BTD: variants seen among roughly 807,000 people sequenced by gnomAD.
BTD encodes the protein biotinidase, also known as biocytinase.
Under a neutral mutation model 17.7 loss-of-function variants are expected in BTD, and 13 were observed. The ratio of observed to expected loss-of-function variants is 0.74; its 90% CI spans 0.48 to 1.17. BTD has a LOEUF of 1.17. Ranked by LOEUF, BTD falls within the 50% of genes most tolerant of loss-of-function variation. The probability of loss-of-function intolerance (pLI) is 0.00; values close to 1 mark genes in which losing one functional copy is unlikely to be tolerated. For missense variants in BTD, 674 were observed against 650.4 expected (o/e 1.04, Z -0.39); for synonymous variants, 240 against 245.2 (o/e 0.98, Z 0.20).
intron 3 of BTD, chr3:15,685,347 A>C: frequency 1.2e-6 from 2 of 1,614,038 alleles, no homozygotes; most frequent in Non-Finnish European, 1.7e-6. Flanking sequence ...CACAGGCAGC[A>C]GACAGGTGTA....
At chr3:15,615,769 A>G (rs1163828435) in intron 1 of BTD, among the ~76,000 whole-genome samples, 5 of 152,194 alleles carry the variant, frequency 3.3e-5, no homozygotes, top group African/African-American at 1.2e-4. Flanking sequence ...CATTATTATA[A>G]CATGAAGTCC....
chr3:15,611,852 A>G (rs1359617487), intron 1 of BTD, among the ~76,000 whole-genome samples: 1 of 151,466 alleles, frequency 6.6e-6, no homozygotes, highest in East Asian at 1.9e-4. Flanking sequence ...GCTTATCAAT[A>G]TAGGATTGAA....
chr3:15,612,972 T>G lies in BTD; in HGVS notation c.-17+11078T>G, dbSNP rs547574245. Among the ~76,000 whole-genome samples, 9 of 152,330 alleles carry G rather than the reference T, an allele frequency of 5.9e-5. No individual in the cohort carries two copies. In the South Asian group the frequency reaches 1.9e-3, roughly 32 times the overall value. On this transcript the variant is annotated intron_variant, in intron 1 of 3. Transcript: ENST00000643237. ...GTTGTAGTATTCATGGTGGCTTGCT[T>G]CTTCAAGGTCAGCCGGGGAGAGAGT...
chr3:15,605,194 T>C (rs1405110716), intron 1 of BTD, among the ~76,000 whole-genome samples: 6 of 152,180 alleles, frequency 3.9e-5, no homozygotes, highest in Non-Finnish European at 8.8e-5. Flanking sequence ...AGAGGTTTAA[T>C]AGATTCACAG....
At chr3:15,623,162 A>T (rs1233427654) in intron 1 of BTD, among the ~76,000 whole-genome samples, 18 of 152,162 alleles carry the variant, frequency 1.2e-4, no homozygotes. Flanking sequence ...AATTATCTCC[A>T]CCTGGCTCCA....
At chr3:15,654,343 G>A (rs545810180), downstream of BTD, among the ~76,000 whole-genome samples, 2 of 152,228 alleles carry the variant, frequency 1.3e-5, no homozygotes, top group East Asian at 3.9e-4. Context: ...AGGGGATTAG[G>A]CAGGGGAATA....
At chr3:15,655,096 T>C (rs1403571287), downstream of BTD, among the ~76,000 whole-genome samples, 1 of 152,200 alleles carries the variant, frequency 6.6e-6, no homozygotes, top group Non-Finnish European at 1.5e-5. Context: ...CCTACATTCA[T>C]GCACAACAGA....
chr3:15,688,282 A>C (rs1313970876), intron 3 of BTD, among the ~76,000 whole-genome samples: 1 of 152,204 alleles, frequency 6.6e-6, no homozygotes. Context: ...CATCCAGTGT[A>C]CAAAATTGAT....
chr3:15,711,399 C>G, exon 4 of BTD: 1 of 696,094 alleles, frequency 1.4e-6, no homozygotes, highest in Non-Finnish European at 2.4e-6. Context: ...TTCTTAAGTG[C>G]TAGAGTGCCT....
downstream of BTD, among the ~76,000 whole-genome samples, chr3:15,653,842 A>G (rs1438142271): frequency 6.6e-6 from 1 of 152,248 alleles, no homozygotes; most frequent in Non-Finnish European, 1.5e-5. Flanking sequence ...TCCGTGTAAA[A>G]TACTGTGCTA....
At chr3:15,714,595 T>G, downstream of BTD, 1 of 1,595,286 alleles carries the variant, frequency 6.3e-7, no homozygotes, top group Non-Finnish European at 8.5e-7. Context: ...GATAATGGTT[T>G]GTGATCGGGA....
At chr3:15,611,722 GA>G (rs2064638539) in intron 1 of BTD, among the ~76,000 whole-genome samples, 1 of 151,586 alleles carries the variant, frequency 6.6e-6, no homozygotes, top group South Asian at 2.1e-4. Context: ...AGGTTGCAAT[GA>G]GCTGAGATTG....
chr3:15,665,822 T>A (rs1214121222), intron 3 of BTD, among the ~76,000 whole-genome samples: 1 of 152,188 alleles, frequency 6.6e-6, no homozygotes, highest in Non-Finnish European at 1.5e-5. Flanking sequence ...GTGTGGAAAC[T>A]TCTGTATAAC....
intron 3 of BTD, chr3:15,709,777 G>GATTTTATA: frequency 7.4e-7 from 1 of 1,344,428 alleles, no homozygotes; most frequent in Non-Finnish European, 1.0e-6. Flanking sequence ...AATTGACAGT[G>GATTTTATA]ATTTTATAAT....
chr3:15,712,238 C>T (rs762096313), exon 4 of BTD: 1 of 1,549,630 alleles, frequency 6.5e-7, no homozygotes, highest in Admixed American at 1.9e-5. Flanking sequence ...GTTAATAGAA[C>T]AGGACAGTAT....
intron 3 of BTD, among the ~76,000 whole-genome samples, chr3:15,701,132 C>G (rs1196609623): frequency 2.6e-5 from 4 of 152,162 alleles, no homozygotes; most frequent in African/African-American, 9.7e-5. Flanking sequence ...TGTAACTGAT[C>G]TTTCAGTAAC....
intron 1 of BTD, among the ~76,000 whole-genome samples, chr3:15,614,196 C>A (rs779523337): frequency 2.0e-5 from 3 of 151,340 alleles, no homozygotes; most frequent in Non-Finnish European, 4.4e-5. Context: ...CAGCCGTAGC[C>A]CACTGCAGCC....
rs2065741081 is a variant in BTD, at chr3:15,648,332, ATGTGGCCTGAAGATCTGTGAGTGGG to A, written c.*2845_*2869del. On this transcript the variant is annotated 3_prime_UTR_variant, in exon 4 of 4. Transcript: ENST00000643237. The stretch of plus-strand genomic sequence containing the variant: ...AGGCCTAGATTTGAGACAAGAGCTG[ATGTGGCCTGAAGATCTGTGAGTGGG>A]ACTGCTTGGGAGGCCATGTTCCTTC... Among the ~76,000 whole-genome samples the A allele has an allele frequency of 6.6e-6, 1 of 152,234 alleles. No homozygotes were observed. The highest frequency in any genetic ancestry group is 2.4e-5 in the African/African-American group (1 of 41,454).
At chr3:15,704,920 C>T (rs563591393) in intron 3 of BTD, among the ~76,000 whole-genome samples, 4 of 152,156 alleles carry the variant, frequency 2.6e-5, no homozygotes, top group Non-Finnish European at 4.4e-5. Context: ...GAAACAGAGG[C>T]TCCCATTAAC....
Sources: allele counts gnomAD v4.1 joint callset (sites outside exome capture counted in the v4.1 genomes callset), GRCh38; gene constraint gnomAD v4.1.1; transcripts MANE v1.5; gene names NCBI Gene and HGNC (gene_info 2026-07-23, HGNC 2026-07-21).